SLC44A2: variants seen among roughly 807,000 people sequenced by gnomAD.
SLC44A2 encodes solute carrier family 44 member 2 (CTL2 blood group), also known as choline transporter-like protein 2.
A neutral mutation model predicts 90.8 loss-of-function variants in SLC44A2; 57 were observed. The observed-to-expected ratio is 0.63, with a 90% CI of 0.51 to 0.78. The LOEUF is 0.78. Ranked by LOEUF, SLC44A2 falls within the 30% of genes least tolerant of loss-of-function variation. The pLI is 0.00. For missense variants in SLC44A2, 794 were observed against 919.7 expected, an observed-to-expected ratio of 0.86 and a Z score of 1.77; for synonymous variants, 355 against 360.7, an observed-to-expected ratio of 0.98 and a Z score of 0.18.
Position 10,636,538 on chromosome 19 carries a change from C to A in SLC44A2, c.1449C>A (p.Asp483Glu), listed in dbSNP as rs2067056936. ...ACTACTGGGCCCTGCGCAAGCCGGA[C>A]GACCTGCCGGCCTTCCCGCTCTTCT... Reference protein sequence around the residue: ...ASYYWALRKPDDLPAFPLFSA... With the variant: ...ASYYWALRKPEDLPAFPLFSA... The change falls in exon 15 of 22, where the codon GAC (aspartate) becomes GAA (glutamate). Residue 483 changes from aspartate to glutamate, a missense_variant. Physicochemically the swap from Asp to Glu is conservative, Grantham distance 45. Coordinates refer to ENST00000335757, the MANE Select transcript of SLC44A2 (RefSeq NM_020428.4). 1.2e-6 allele frequency: 2 copies of A among 1,609,018 alleles called. No homozygotes were observed. Among genetic ancestry groups the A allele is most frequent in the Non-Finnish European group, 1.7e-6 (2 of 1,179,282 alleles).
At chr19:10,624,978 A>C (rs2144837565), upstream of SLC44A2, among the ~76,000 whole-genome samples, 1 of 152,286 alleles carries the variant, frequency 6.6e-6, no homozygotes, top group South Asian at 2.1e-4. Flanking sequence ...CTACAAAAAA[A>C]ATTAAAAATT....
Position 10,627,010 on chromosome 19 carries a change from C to A in SLC44A2, c.86+709C>A, listed in dbSNP as rs1407781523. 6.9e-5 allele frequency among the ~76,000 whole-genome samples: 10 copies of A among 145,468 alleles called. No individual in the cohort carries two copies. In the East Asian group the frequency reaches 8.3e-4, roughly 12 times the overall value. ...GGAGGACAAGAGCGAGACTCTGTCT[C>A]AAAAAAAAATAACAAAAAAATAAAA... On this transcript the variant is annotated intron_variant, in intron 2 of 21. Transcript: ENST00000335757.
At chr19:10,610,900 A>T (rs976936364) in intron 1 of SLC44A2, among the ~76,000 whole-genome samples, 1 of 151,216 alleles carries the variant, frequency 6.6e-6, no homozygotes, top group South Asian at 2.1e-4. Context: ...TCGGCCTCCC[A>T]AAGTGCTGGG....
At chr19:10,615,528 C>G (rs923630294) in intron 1 of SLC44A2, among the ~76,000 whole-genome samples, 2 of 150,512 alleles carry the variant, frequency 1.3e-5, no homozygotes, top group Non-Finnish European at 3.0e-5. Context: ...GAGCCGAGAT[C>G]ACACCAGTGC....
chr19:10,632,506 A>G (rs1206342953), intron 10 of SLC44A2, among the ~76,000 whole-genome samples: 1 of 149,206 alleles, frequency 6.7e-6, no homozygotes, highest in Admixed American at 6.7e-5. Context: ...ATTGCACTCC[A>G]GCCTGGGCAA....
At chr19:10,637,954 C>T in intron 18 of SLC44A2, 25 bp downstream of exon 18, 1 of 1,614,066 alleles carries the variant, frequency 6.2e-7, no homozygotes, top group African/African-American at 1.3e-5. Flanking sequence ...TCATCTTCCT[C>T]CTGCCACCCG....
At position 10,634,737 on chromosome 19, in the gene SLC44A2, T is replaced by C; in HGVS notation, c.824-19T>C. The C allele has an allele frequency of 2.5e-6, 4 of 1,614,156 alleles. No homozygotes were observed. Among genetic ancestry groups the C allele is most frequent in the Non-Finnish European group, 3.4e-6 (4 of 1,180,014 alleles). On this transcript the variant is annotated intron_variant, in intron 10 of 21. Coordinates refer to ENST00000335757, the MANE Select transcript of SLC44A2 (RefSeq NM_020428.4). The stretch of plus-strand genomic sequence containing the variant: ...TGCAGGAGGCACTGCTGGACTGAGC[T>C]TGTGGTTCCCCCATGCAGGAATATT...
At position 10,643,259 on chromosome 19, in the gene SLC44A2, T is replaced by G; in HGVS notation, c.2015-20T>G. Reference sequence around the variant, plus strand: ...CGTGGGCTCCCCTCATGCCTCCTGCTCTGGGACCTCTCTCCACAGTGGAGG... The same window carrying G: ...CGTGGGCTCCCCTCATGCCTCCTGCGCTGGGACCTCTCTCCACAGTGGAGG... On this transcript the variant is annotated intron_variant, in intron 21 of 21. Transcript: ENST00000335757. 1.2e-6 allele frequency: 2 copies of G among 1,602,776 alleles called. No individual in the cohort carries two copies. The highest frequency in any genetic ancestry group is 1.7e-6 in the Non-Finnish European group (2 of 1,173,988).
chr19:10,630,142 T>C (rs2144854442), intron 4 of SLC44A2, among the ~76,000 whole-genome samples: 1 of 151,960 alleles, frequency 6.6e-6, no homozygotes, highest in Non-Finnish European at 1.5e-5. Flanking sequence ...GACTGGAGGA[T>C]TGCTTGACAC....
intron 20 of SLC44A2, chr19:10,641,360 C>T (rs143385470): frequency 1.4e-3 from 603 of 436,322 alleles, no homozygotes; most frequent in Non-Finnish European, 2.0e-3. Flanking sequence ...GGCCACTGCA[C>T]TCTAGCCTGA....
chr19:10,621,298 G>C (rs2066892768), upstream of SLC44A2, among the ~76,000 whole-genome samples: 1 of 151,648 alleles, frequency 6.6e-6, no homozygotes, highest in African/African-American at 2.4e-5. Flanking sequence ...GTTGCAGTGA[G>C]CCTAGATGGC....
upstream of SLC44A2, chr19:10,625,506 C>T: frequency 8.2e-7 from 1 of 1,223,698 alleles, no homozygotes; most frequent in East Asian, 3.2e-5. Context: ...GTTTGGGCCG[C>T]CCCGCCTGGC....
rs1017077377 is a variant in SLC44A2, at chr19:10,637,440, C to T, written c.1592-204C>T. 1.7e-5 allele frequency: 10 copies of T among 582,244 alleles called. No individual in the cohort carries two copies. The African/African-American group carries it at 1.9e-4, about 11-fold the overall frequency. 36.1% of individuals were successfully genotyped at this position (582,244 alleles called of 1,614,324 possible). On this transcript the variant is annotated intron_variant, in intron 16 of 21. Transcript: ENST00000335757. ...GTACTTTGTTTTAGAGACAGGATCT[C>T]TCACCCTGTCACCCAGGCTGGAGTG...
upstream of SLC44A2, among the ~76,000 whole-genome samples, chr19:10,620,983 G>A (rs183202198): frequency 2.5e-3 from 380 of 152,152 alleles, 3 homozygotes; most frequent in African/African-American, 8.2e-3. Context: ...AGGCTGCAGT[G>A]AGCTATGATT....
chr19:10,603,709 G>C (rs1918025469), intron 1 of SLC44A2, among the ~76,000 whole-genome samples: 2 of 152,174 alleles, frequency 1.3e-5, no homozygotes, highest in South Asian at 4.1e-4. Flanking sequence ...GTCCCCTGGA[G>C]GGACCCCCTT....
chr19:10,618,495 T>G (rs1229838369), intron 1 of SLC44A2, among the ~76,000 whole-genome samples: 1 of 59,502 alleles, frequency 1.7e-5, no homozygotes, highest in Non-Finnish European at 3.1e-5. Flanking sequence ...TTTTTTTTTT[T>G]TTGAGACGGA....
chr19:10,621,368 A>AG (rs2066893225), upstream of SLC44A2, among the ~76,000 whole-genome samples: 1 of 151,104 alleles, frequency 6.6e-6, no homozygotes, highest in African/African-American at 2.4e-5. Flanking sequence ...GAAAAAAAAA[A>AG]TGAAAGAAAG....
chr19:10,639,119 A>G (rs2067089777), intron 20 of SLC44A2, among the ~76,000 whole-genome samples: 1 of 152,102 alleles, frequency 6.6e-6, no homozygotes, highest in Non-Finnish European at 1.5e-5. Flanking sequence ...TATTTAATAG[A>G]GATGGGGTTT....
intron 14 of SLC44A2, 182 bp downstream of exon 14, chr19:10,635,697 G>T: frequency 1.8e-6 from 1 of 566,796 alleles, no homozygotes. Context: ...CAACTTCCCA[G>T]GGCAAGCTGG....
Sources: allele counts gnomAD v4.1 joint callset (sites outside exome capture counted in the v4.1 genomes callset), GRCh38; gene constraint gnomAD v4.1.1; transcripts MANE v1.5; gene names NCBI Gene and HGNC (gene_info 2026-07-23, HGNC 2026-07-21).